CEP170B: variants seen among roughly 807,000 people sequenced by gnomAD.
CEP170B encodes centrosomal protein 170B.
Under a neutral mutation model 120.6 loss-of-function variants are expected in CEP170B, and 55 were observed. That is an observed-to-expected ratio of 0.46 (90% CI 0.37 to 0.57). The LOEUF is 0.57. Ranked by LOEUF, CEP170B falls within the 20% of genes least tolerant of loss-of-function variation. The pLI, the probability that CEP170B is intolerant of heterozygous loss-of-function variation, is 0.00. For missense variants in CEP170B, 2,212 were observed against 2,253.3 expected (o/e 0.98, Z 0.37); for synonymous variants, 1,033 against 954.5 (o/e 1.08, Z -1.52).
Position 104,882,397 on chromosome 14 carries a change from G to T in CEP170B, c.473-331G>T, listed in dbSNP as rs1163966334. 4.3e-4 allele frequency among the ~76,000 whole-genome samples: 65 copies of T among 152,154 alleles called. 1 individual carries two copies. The highest frequency in any genetic ancestry group is 5.1e-4 in the Non-Finnish European group (35 of 67,966). On this transcript the variant is annotated intron_variant, in intron 6 of 18. Transcript: ENST00000414716. Reference sequence around the variant, plus strand: ...GCAGGGTTGCAGGACGGAGGTGGGGGGCCCCCACCATGCCCCAGGGGATGA... The same window carrying T: ...GCAGGGTTGCAGGACGGAGGTGGGGTGCCCCCACCATGCCCCAGGGGATGA...
rs545836035 is a variant in CEP170B, at chr14:104,870,917, C to T, written c.105+2362C>T. On this transcript the variant is annotated intron_variant, in intron 2 of 18. Coordinates refer to ENST00000414716, the MANE Select transcript of CEP170B (RefSeq NM_001112726.3). This position sits in a 1 kb window ranked among gnomAD's most constrained non-coding sequence, Gnocchi z 4.1. ...TGTCTGCCTCCCGGTGCCCCTGCAGCGGCCTCCTACCTGCCCACCGCTGCC... is the reference window on the plus strand; with the variant it reads ...TGTCTGCCTCCCGGTGCCCCTGCAGTGGCCTCCTACCTGCCCACCGCTGCC... Among the ~76,000 whole-genome samples the T allele has an allele frequency of 1.7e-4, 26 of 152,116 alleles. No homozygotes were observed. The highest frequency in any genetic ancestry group is 1.5e-3 in the South Asian group (7 of 4,826).
Position 104,880,382 on chromosome 14 carries a change from C to T in CEP170B, c.429C>T (p.Ala143=), listed in dbSNP as rs986172328. The change falls in exon 6 of 19, where the codon GCC becomes GCT. Residue 143 remains alanine (A), a synonymous_variant. Transcript: ENST00000414716. ...ALPEHTPYCE[A]SNPRPEKGDR... is the part of the protein sequence containing the mutation. The stretch of plus-strand genomic sequence containing the variant: ...CGGAACACACACCATACTGCGAGGC[C>T]TCGAACCCCAGGCCGGAGAAGGGGG... 1 of 1,612,674 alleles carries T rather than the reference C, an allele frequency of 6.2e-7. No individual in the cohort carries two copies. Among genetic ancestry groups the T allele is most frequent in the Non-Finnish European group, 8.5e-7 (1 of 1,179,658 alleles).
At position 104,883,831 on chromosome 14, in the gene CEP170B, G is replaced by A. The variant is rs757750775; in HGVS notation, c.1052G>A (p.Gly351Asp). ...DLPVHTRTLK[G>D]HKHEDGTQSD... ...AGGTGGGGTCCCCTGTCTCCCCCAG[G>A]CCACAAGCACGAGGACGGCACGCAG... The change falls in exon 9 of 19, where the codon GGC becomes GAC. Residue 351 changes from glycine (G) to aspartate (D), a missense_variant and splice_region_variant. By Grantham distance (94) the Gly-to-Asp change is moderately conservative. Around this residue, in one of 2 missense-constraint regions of CEP170B, gnomAD observed 2,166 missense variants for 2,166.7 expected, o/e 1.00. Coordinates refer to ENST00000414716, the MANE Select transcript of CEP170B (RefSeq NM_001112726.3). The A allele has an allele frequency of 1.2e-5, 19 of 1,544,066 alleles. No homozygotes were observed. The African/African-American group carries it at 2.5e-4, about 20-fold the overall frequency.
intron 14 of CEP170B, 147 bp downstream of exon 14, chr14:104,893,282 GC>G (rs1343449572): frequency 1.8e-6 from 2 of 1,115,338 alleles, no homozygotes; most frequent in African/African-American, 3.2e-5. Flanking sequence ...CTGGGTCAGC[GC>G]CCCAAACGGC....
chr14:104,871,688 C>A (rs995291697), intron 2 of CEP170B, among the ~76,000 whole-genome samples: 6 of 152,122 alleles, frequency 3.9e-5, no homozygotes, highest in Non-Finnish European at 4.4e-5. Context: ...AGACACCTGC[C>A]TATGTTGTGC....
chr14:104,892,883 G>A (rs796067912), intron 13 of CEP170B, 93 bp from the exon 14 acceptor site: 2 of 1,399,118 alleles, frequency 1.4e-6, no homozygotes, highest in Non-Finnish European at 2.0e-6. Flanking sequence ...GCCAGCAGCT[G>A]CCTGGGAGCT....
chr14:104,877,180 C>T lies in CEP170B; in HGVS notation c.196-705C>T, dbSNP rs1258896767. ...GGGGTCTGTCCTGAGCTCCCTCCTC[C>T]CGCAGCATGCCTGTCTGATGAAGCG... On this transcript the variant is annotated intron_variant, in intron 3 of 18. Coordinates refer to ENST00000414716, the MANE Select transcript of CEP170B (RefSeq NM_001112726.3). Among the ~76,000 whole-genome samples, 3 of 152,192 alleles carry T rather than the reference C, an allele frequency of 2.0e-5. No homozygotes were observed. The South Asian group carries it at 6.2e-4, about 31-fold the overall frequency.
In CEP170B at chr14:104,883,346, C is replaced by T. The variant is rs750640397; in HGVS notation, c.889C>T (p.Pro297Ser). Reference protein sequence around the residue: ...ITKFSLRQRRPPGKEATPGEM... With the variant: ...ITKFSLRQRRSPGKEATPGEM... ...CAAGTTTTCCCTGCGCCAGCGGCGG[C>T]CCCCGGGCAAGGAGGCCACACCTGG... Residue 297 changes from proline (P) to serine (S), a missense_variant, in exon 8 of 19, where the codon CCC becomes TCC. By Grantham distance (74) the Pro-to-Ser change is moderately conservative. Around this residue, in one of 2 missense-constraint regions of CEP170B, gnomAD observed 2,166 missense variants for 2,166.7 expected, o/e 1.00. Transcript: ENST00000414716. 27 of 1,610,822 alleles carry T rather than the reference C, an allele frequency of 1.7e-5. No individual in the cohort carries two copies. The highest frequency in any genetic ancestry group is 2.0e-5 in the Non-Finnish European group (24 of 1,179,266).
At position 104,865,592 on chromosome 14, in the gene CEP170B, G is replaced by A. The variant is rs1895162101; in HGVS notation, c.-28+79G>A. 1 of 151,232 alleles carries A rather than the reference G, an allele frequency of 6.6e-6. No homozygotes were observed. Among genetic ancestry groups the A allele is most frequent in the African/African-American group, 2.4e-5 (1 of 41,352 alleles). 9.4% of individuals were successfully genotyped at this position (151,232 alleles called of 1,614,324 possible). ...CCTGCACGGCTGTGGGGTCTCACGGGGCGCGGGGTCCCGGCCGAGGCCGGA... is the reference window on the plus strand; with the variant it reads ...CCTGCACGGCTGTGGGGTCTCACGGAGCGCGGGGTCCCGGCCGAGGCCGGA... On this transcript the variant is annotated intron_variant, in intron 1 of 18. Coordinates refer to ENST00000414716, the MANE Select transcript of CEP170B (RefSeq NM_001112726.3). The surrounding 1 kb of genome is among the most constrained non-coding windows in gnomAD (Gnocchi z 6.7).
At chr14:104,878,834 C>G (rs1895997131) in intron 5 of CEP170B, among the ~76,000 whole-genome samples, 1 of 152,246 alleles carries the variant, frequency 6.6e-6, no homozygotes, top group Non-Finnish European at 1.5e-5. Context: ...GCTGGAGCTC[C>G]TGGGCTTTCG....
chr14:104,879,765 G>A (rs572744697), intron 5 of CEP170B, among the ~76,000 whole-genome samples: 2 of 152,180 alleles, frequency 1.3e-5, no homozygotes, highest in African/African-American at 2.4e-5. Context: ...GGGCCCCTGT[G>A]GGGGGCGTGA....
upstream of CEP170B, among the ~76,000 whole-genome samples, chr14:104,864,608 C>T (rs1430298017): frequency 6.6e-6 from 1 of 152,136 alleles, no homozygotes; most frequent in African/African-American, 2.4e-5. This position sits in a 1 kb window ranked among gnomAD's most constrained non-coding sequence, Gnocchi z 5.9. Flanking sequence ...ACCCCTCGGC[C>T]AGGTCAGGTC....
rs759796003 is a variant in CEP170B at position 104,887,254 on chromosome 14, G to C, written c.3015G>C (p.Glu1005Asp). The change falls in exon 12 of 19, where the codon GAG (glutamate) becomes GAC (aspartate). Residue 1005 changes from glutamate to aspartate, a missense_variant. Glu to Asp is a conservative substitution (Grantham distance 45, BLOSUM62 2). This residue lies in a region of CEP170B where 2,166 missense variants were observed against 2,166.7 expected (regional missense o/e 1.00). Coordinates refer to ENST00000414716, the MANE Select transcript of CEP170B (RefSeq NM_001112726.3). ...PGGTALVSAREQSSERQHHPL... is the reference protein window; with the variant it reads ...PGGTALVSARDQSSERQHHPL... Reference sequence around the variant, plus strand: ...GCACCGCCCTGGTCAGTGCCCGTGAGCAGTCCTCAGAGAGGCAGCATCACC... The same window carrying C: ...GCACCGCCCTGGTCAGTGCCCGTGACCAGTCCTCAGAGAGGCAGCATCACC... 1.2e-6 allele frequency: 2 copies of C among 1,607,590 alleles called. No individual in the cohort carries two copies. The highest frequency in any genetic ancestry group is 2.2e-5 in the South Asian group (2 of 90,928).
Position 104,886,702 on chromosome 14 carries a change from C to T in CEP170B, c.2463C>T (p.Gly821=). The change falls in exon 12 of 19, where the codon GGC becomes GGT. Residue 821 remains glycine (G), a synonymous_variant. Coordinates refer to ENST00000414716, the MANE Select transcript of CEP170B (RefSeq NM_001112726.3). The stretch of plus-strand genomic sequence containing the variant: ...TTGCGGCTCCAGGGGATGGGGAGGG[C>T]CTAGGGCAGACAGCCCAGCCCAGCC... ...KPLAAPGDGE[G]LGQTAQPSPP... 12 of 1,588,326 alleles carry T rather than the reference C, an allele frequency of 7.6e-6. No individual in the cohort carries two copies. The highest frequency in any genetic ancestry group is 9.4e-6 in the Non-Finnish European group (11 of 1,166,822).
At position 104,882,743 on chromosome 14, in the gene CEP170B, G is replaced by T. The variant is rs768376453; in HGVS notation, c.488G>T (p.Arg163Leu). 1 of 1,611,828 alleles carries T rather than the reference G, an allele frequency of 6.2e-7. No individual in the cohort carries two copies. ...RRPGTEAASY[R>L]TPLYGQPSWW... ...CCCTCCACAGAGGCAGCCTCTTACC[G>T]CACACCCCTGTATGGGCAGCCCTCC... The change falls in exon 7 of 19, where the codon CGC becomes CTC. Residue 163 changes from arginine to leucine, a missense_variant. Arg to Leu is a moderately radical substitution (Grantham distance 102, BLOSUM62 -2). Around this residue, in one of 2 missense-constraint regions of CEP170B, gnomAD observed 2,166 missense variants for 2,166.7 expected, o/e 1.00. Coordinates refer to ENST00000414716, the MANE Select transcript of CEP170B (RefSeq NM_001112726.3).
chr14:104,880,565 T>G, intron 6 of CEP170B, 140 bp downstream of exon 6: 1 of 1,269,006 alleles, frequency 7.9e-7, no homozygotes. Flanking sequence ...TGCACACACC[T>G]ACCCTTGCAC....
Position 104,894,304 on chromosome 14 carries a change from G to C in CEP170B, c.4291G>C (p.Gly1431Arg), listed in dbSNP as rs1394646788. ...GGACAGGATCCTCTTTCAGAACACA[G>C]GGAGAGCTTGGGAGGACCTGGAAGC... ...EKMKILFQNTGRAWEDLEARI... is the reference protein window; with the variant it reads ...EKMKILFQNTRRAWEDLEARI... The change falls in exon 17 of 19, where the codon GGG becomes CGG. Residue 1431 changes from glycine to arginine, a missense_variant. Gly to Arg is a moderately radical substitution (Grantham distance 125, BLOSUM62 -2). This residue lies in a region of CEP170B where 2,166 missense variants were observed against 2,166.7 expected (regional missense o/e 1.00). Coordinates refer to ENST00000414716, the MANE Select transcript of CEP170B (RefSeq NM_001112726.3). 1 of 1,613,442 alleles carries C rather than the reference G, an allele frequency of 6.2e-7. No individual in the cohort carries two copies. The highest frequency in any genetic ancestry group is 8.5e-7 in the Non-Finnish European group (1 of 1,179,806).
intron 10 of CEP170B, 134 bp downstream of exon 10, chr14:104,885,676 G>A: frequency 1.6e-6 from 2 of 1,245,514 alleles, no homozygotes; most frequent in Non-Finnish European, 2.2e-6. Context: ...AGAGGAGGGT[G>A]GGCTGGGGCT....
rs1324147153 is a variant in CEP170B at position 104,883,133 on chromosome 14, T to C, written c.676T>C (p.Phe226Leu). Reference sequence around the variant, plus strand: ...CTCGTTCCGGCGGGAGCCCAGCTACTTCGAGATCCCCACGAAGGAGACCCC... The same window carrying C: ...CTCGTTCCGGCGGGAGCCCAGCTACCTCGAGATCCCCACGAAGGAGACCCC... ...GCSFRREPSY[F>L]EIPTKETPQP... Residue 226 changes from phenylalanine to leucine, a missense_variant, in exon 8 of 19, where the codon TTC (phenylalanine) becomes CTC (leucine). Around this residue, in one of 2 missense-constraint regions of CEP170B, gnomAD observed 2,166 missense variants for 2,166.7 expected, o/e 1.00. Coordinates refer to ENST00000414716, the MANE Select transcript of CEP170B (RefSeq NM_001112726.3). 1 of 1,602,728 alleles carries C rather than the reference T, an allele frequency of 6.2e-7. No homozygotes were observed. The highest frequency in any genetic ancestry group is 1.1e-5 in the South Asian group (1 of 89,934).
Sources: allele counts gnomAD v4.1 joint callset (sites outside exome capture counted in the v4.1 genomes callset), GRCh38; gene constraint gnomAD v4.1.1; regional missense constraint gnomAD v4.1.1; non-coding constraint Gnocchi (gnomAD v3.1); transcripts MANE v1.5; gene names NCBI Gene and HGNC (gene_info 2026-07-23, HGNC 2026-07-21).